The following TBC1D4 variants were observed in gnomAD, a reference collection of about 807,000 sequenced individuals.
The protein encoded by TBC1D4 is TBC1 domain family member 4.
Under a neutral mutation model 142.5 loss-of-function variants are expected in TBC1D4, and 121 were observed. The observed-to-expected ratio is 0.85, with a 90% CI of 0.73 to 0.99. The LOEUF (loss-of-function observed/expected upper bound fraction) is 0.99, where lower values mean the gene tolerates loss of function less well. TBC1D4 is among the 50% of genes least tolerant of loss of function. The pLI, the probability that TBC1D4 is intolerant of heterozygous loss-of-function variation, is 0.00. For missense variants in TBC1D4, 1,475 were observed against 1,606.6 expected (o/e 0.92, Z 1.40); for synonymous variants, 630 against 628.2 (o/e 1.00, Z -0.04).
At chr13:75,429,512 G>A (rs1290701143) in intron 1 of TBC1D4, among the ~76,000 whole-genome samples, 3 of 152,144 alleles carry the variant, frequency 2.0e-5, no homozygotes, top group Non-Finnish European at 4.4e-5. Flanking sequence ...GACAAATGCA[G>A]TGCCATTTGC....
chr13:75,410,033 A>G (rs1885552912), intron 1 of TBC1D4, among the ~76,000 whole-genome samples: 1 of 152,292 alleles, frequency 6.6e-6, no homozygotes, highest in Admixed American at 6.5e-5. Context: ...TTTGCCACTT[A>G]CCTTAAAACT....
At chr13:75,474,699 C>T (rs570733270) in intron 1 of TBC1D4, among the ~76,000 whole-genome samples, 19 of 129,700 alleles carry the variant, frequency 1.5e-4, no homozygotes, top group African/African-American at 4.9e-4. Flanking sequence ...TGCAGTGGTA[C>T]GATCCAGGCT....
At chr13:75,391,353 C>T (rs1382895616) in intron 1 of TBC1D4, among the ~76,000 whole-genome samples, 1 of 152,118 alleles carries the variant, frequency 6.6e-6, no homozygotes, top group East Asian at 1.9e-4. Flanking sequence ...TCTGTGATTT[C>T]TCTCCTCCCT....
chr13:75,301,310 C>T (rs529338671), intron 16 of TBC1D4, among the ~76,000 whole-genome samples: 1 of 152,138 alleles, frequency 6.6e-6, no homozygotes, highest in East Asian at 1.9e-4. Flanking sequence ...AAAATCAAAG[C>T]ATTTTTATTT....
At chr13:75,475,837 A>G (rs1281916345) in intron 1 of TBC1D4, among the ~76,000 whole-genome samples, 2 of 152,190 alleles carry the variant, frequency 1.3e-5, no homozygotes, top group African/African-American at 2.4e-5. Context: ...TATCCAACAT[A>G]CTTGGGAACA....
intron 1 of TBC1D4, among the ~76,000 whole-genome samples, chr13:75,412,346 A>G (rs952896851): frequency 6.6e-6 from 1 of 152,124 alleles, no homozygotes; most frequent in East Asian, 1.9e-4. Context: ...GCAGTGGTGC[A>G]ATCATGGCCC....
At chr13:75,359,563 T>C (rs1363283117) in intron 3 of TBC1D4, among the ~76,000 whole-genome samples, 2 of 152,310 alleles carry the variant, frequency 1.3e-5, no homozygotes, top group South Asian at 2.1e-4. Context: ...ACTGTTAGGA[T>C]AGATACCAAG....
intron 7 of TBC1D4, among the ~76,000 whole-genome samples, chr13:75,340,530 T>C (rs1211642236): frequency 6.6e-6 from 1 of 152,250 alleles, no homozygotes; most frequent in Non-Finnish European, 1.5e-5. Flanking sequence ...CTAAAAATAA[T>C]GTATGTTCAT....
chr13:75,410,567 T>C (rs1236059248), intron 1 of TBC1D4, among the ~76,000 whole-genome samples: 1 of 152,202 alleles, frequency 6.6e-6, no homozygotes, highest in African/African-American at 2.4e-5. Context: ...TATTTGGTTA[T>C]CAAGAAATTA....
intron 10 of TBC1D4, among the ~76,000 whole-genome samples, chr13:75,325,860 T>C (rs1879189821): frequency 6.6e-6 from 1 of 152,234 alleles, no homozygotes; most frequent in South Asian, 2.1e-4. Context: ...TTTTCAAATC[T>C]GCTGACTTTG....
chr13:75,319,530 T>A (rs377114233), intron 12 of TBC1D4, among the ~76,000 whole-genome samples: 18 of 152,320 alleles, frequency 1.2e-4, no homozygotes, highest in African/African-American at 4.3e-4. Flanking sequence ...TTTAGCAGTG[T>A]CTCAAAGTGA....
At chr13:75,476,816 G>C (rs540316358) in intron 1 of TBC1D4, among the ~76,000 whole-genome samples, 1 of 152,300 alleles carries the variant, frequency 6.6e-6, no homozygotes, top group South Asian at 2.1e-4. Context: ...CATCACCAGA[G>C]AACTTGTTAA....
Position 75,326,343 on chromosome 13 carries a change from C to G in TBC1D4, c.1887G>C (p.Glu629Asp). 6.2e-7 allele frequency: 1 copy of G among 1,614,054 alleles called. No homozygotes were observed. The highest frequency in any genetic ancestry group is 8.5e-7 in the Non-Finnish European group (1 of 1,180,012). ...TTCGAAACTGCGGGGAGTCGGAATC[C>G]TCTTCGGGAAACGTTTGCCAAGCTG... ...PSSAWQTFPE[E>D]DSDSPQFRRR... The change falls in exon 10 of 21, where the codon GAG becomes GAC. Residue 629 changes from glutamate (E) to aspartate (D), a missense_variant. This residue lies in a region of TBC1D4 where 1,227 missense variants were observed against 1,267.7 expected (regional missense o/e 0.97). Coordinates refer to ENST00000377636, the MANE Select transcript of TBC1D4 (RefSeq NM_014832.5).
intron 1 of TBC1D4, among the ~76,000 whole-genome samples, chr13:75,449,245 T>C (rs1033844630): frequency 3.9e-5 from 6 of 152,152 alleles, no homozygotes; most frequent in South Asian, 2.1e-4. Flanking sequence ...TGTGTGTATA[T>C]ATGTGTGTAT....
chr13:75,459,757 G>GACAC (rs1179322275), intron 1 of TBC1D4, among the ~76,000 whole-genome samples: 2 of 151,882 alleles, frequency 1.3e-5, no homozygotes, highest in African/African-American at 4.8e-5. Flanking sequence ...TATAACCCTG[G>GACAC]ACACATAGCA....
At chr13:75,470,433 T>C (rs1888351808) in intron 1 of TBC1D4, among the ~76,000 whole-genome samples, 1 of 152,124 alleles carries the variant, frequency 6.6e-6, no homozygotes, top group Non-Finnish European at 1.5e-5. Context: ...AAATTTAAGA[T>C]ACCACCCTAG....
At chr13:75,349,463 A>G (rs1291121067) in intron 4 of TBC1D4, among the ~76,000 whole-genome samples, 161 bp from the exon 5 acceptor site, 1 of 152,264 alleles carries the variant, frequency 6.6e-6, no homozygotes, top group Admixed American at 6.5e-5. Context: ...TCTTGGAGTT[A>G]GACGTTTCAT....
At chr13:75,477,382 T>C (rs1264139300) in intron 1 of TBC1D4, among the ~76,000 whole-genome samples, 1 of 152,230 alleles carries the variant, frequency 6.6e-6, no homozygotes, top group Non-Finnish European at 1.5e-5. Flanking sequence ...AATTCCTTTT[T>C]TTAATCTTAA....
intron 1 of TBC1D4, among the ~76,000 whole-genome samples, chr13:75,448,169 G>A (rs575719513): frequency 2.0e-5 from 3 of 152,222 alleles, no homozygotes; most frequent in Admixed American, 2.0e-4. Flanking sequence ...GTCTTCTACA[G>A]GGTCTTCATT....
Sources: gnomAD v4.1 joint callset for allele counts (sites outside exome capture counted in the v4.1 genomes callset) on GRCh38, gnomAD v4.1.1 for gene constraint, gnomAD v4.1.1 regional missense constraint, MANE v1.5 for transcripts, NCBI Gene and HGNC (gene_info 2026-07-23, HGNC 2026-07-21) for gene names.